The following KPNA3 variants were observed in gnomAD, a reference collection of about 807,000 sequenced individuals.
The protein encoded by KPNA3 is karyopherin subunit alpha 3, also known as importin subunit alpha-4.
Under a neutral mutation model 73.8 loss-of-function variants are expected in KPNA3, and 13 were observed. That is an observed-to-expected ratio of 0.18 (90% confidence interval 0.11 to 0.28). The LOEUF (loss-of-function observed/expected upper bound fraction) is 0.28. Ranked by LOEUF, KPNA3 falls within the 10% of genes least tolerant of loss-of-function variation. KPNA3 has a pLI of 1.00. For missense variants in KPNA3, 360 were observed against 618.1 expected (o/e 0.58, Z 4.43); for synonymous variants, 186 against 206.9 (o/e 0.90, Z 0.87).
intron 10 of KPNA3, 75 bp downstream of exon 10, chr13:49,719,700 T>G (rs1010415117): frequency 4.2e-6 from 4 of 948,974 alleles, no homozygotes; most frequent in Non-Finnish European, 5.1e-6. Flanking sequence ...ATAAAATGTA[T>G]GCTGACACTT....
At chr13:49,704,467 A>G (rs1411140013) in intron 15 of KPNA3, among the ~76,000 whole-genome samples, 2 of 148,694 alleles carry the variant, frequency 1.3e-5, no homozygotes, top group Non-Finnish European at 3.0e-5. Flanking sequence ...ATAAATAAAT[A>G]AATAAATAAA....
At position 49,759,866 on chromosome 13, in the gene KPNA3, AAAG is replaced by A. The variant is rs530037055; in HGVS notation, c.70-12876_70-12874del. Among the ~76,000 whole-genome samples the A allele has an allele frequency of 9.2e-4, 140 of 152,302 alleles. 1 individual carries two copies. The highest frequency in any genetic ancestry group is 1.7e-3 in the Non-Finnish European group (116 of 68,024). On this transcript the variant is annotated intron_variant, in intron 1 of 16. Coordinates refer to ENST00000261667, the MANE Select transcript of KPNA3 (RefSeq NM_002267.4). ...GGGTTGGGGATCCCTGGTCTAGCTT[AAAG>A]AAGGAGTGATAGATTATCACCATTT...
At chr13:49,736,013 A>G (rs1159762114) in intron 2 of KPNA3, among the ~76,000 whole-genome samples, 1 of 152,292 alleles carries the variant, frequency 6.6e-6, no homozygotes, top group East Asian at 1.9e-4. Context: ...ATTCTTTTAA[A>G]TCTTATGAAA....
intron 1 of KPNA3, among the ~76,000 whole-genome samples, chr13:49,787,224 G>C (rs936663502): frequency 6.6e-6 from 1 of 152,116 alleles, no homozygotes; most frequent in African/African-American, 2.4e-5. Context: ...CCAAAGATAC[G>C]GATTATCATT....
intron 1 of KPNA3, among the ~76,000 whole-genome samples, chr13:49,762,460 T>G (rs1344479834): frequency 6.6e-6 from 1 of 152,070 alleles, no homozygotes. Flanking sequence ...GAAATCAGAT[T>G]GTTGCTGTGT....
chr13:49,715,303 A>G (rs907302596), intron 10 of KPNA3, among the ~76,000 whole-genome samples: 1 of 152,180 alleles, frequency 6.6e-6, no homozygotes, highest in African/African-American at 2.4e-5. Flanking sequence ...AGAACTCTTA[A>G]AACCTAAGAA....
intron 1 of KPNA3, among the ~76,000 whole-genome samples, chr13:49,784,024 G>A (rs886296516): frequency 6.6e-6 from 1 of 152,102 alleles, no homozygotes; most frequent in Non-Finnish European, 1.5e-5. Flanking sequence ...AGATTGAGGA[G>A]GGAGGACTGC....
chr13:49,749,358 T>C lies in KPNA3; in HGVS notation c.70-2365A>G, dbSNP rs563360230. ...GTTTGATACTCTGCATAAGGAAAGT[T>C]GGAAATAGATTTTTACTGCTAAAGT... On this transcript the variant is annotated intron_variant, in intron 1 of 16. Coordinates refer to ENST00000261667, the MANE Select transcript of KPNA3 (RefSeq NM_002267.4). Among the ~76,000 whole-genome samples, 8 of 152,318 alleles carry C rather than the reference T, an allele frequency of 5.3e-5. No homozygotes were observed. In the South Asian group the frequency reaches 1.7e-3, roughly 32 times the overall value.
chr13:49,759,192 G>A (rs1333320615), intron 1 of KPNA3, among the ~76,000 whole-genome samples: 1 of 152,124 alleles, frequency 6.6e-6, no homozygotes, highest in Non-Finnish European at 1.5e-5. Flanking sequence ...ATCACTGAAG[G>A]ATGATAATGA....
chr13:49,706,043 A>G (rs1211614907), intron 14 of KPNA3, 55 bp downstream of exon 14: 2 of 1,453,340 alleles, frequency 1.4e-6, no homozygotes, highest in Non-Finnish European at 1.9e-6. Context: ...AACATAAGAG[A>G]GCAGCATGCT....
At chr13:49,712,433 G>A (rs1954268161) in intron 10 of KPNA3, among the ~76,000 whole-genome samples, 1 of 151,048 alleles carries the variant, frequency 6.6e-6, no homozygotes, top group East Asian at 1.9e-4. Flanking sequence ...CATGATAGAA[G>A]GGGGAAAAAA....
chr13:49,744,276 AGC>A (rs1170688317), intron 2 of KPNA3, among the ~76,000 whole-genome samples: 3 of 152,354 alleles, frequency 2.0e-5, no homozygotes, highest in Non-Finnish European at 4.4e-5. Context: ...TACTTTATTA[AGC>A]TAAGGCTTAG....
At chr13:49,728,865 G>C (rs1954435833) in intron 6 of KPNA3, among the ~76,000 whole-genome samples, 1 of 152,128 alleles carries the variant, frequency 6.6e-6, no homozygotes. Context: ...TTTTGCAAGA[G>C]AATCAATAGG....
chr13:49,714,790 TTAA>T (rs1465675823), intron 10 of KPNA3, among the ~76,000 whole-genome samples: 2 of 152,056 alleles, frequency 1.3e-5, no homozygotes, highest in African/African-American at 4.8e-5. Flanking sequence ...AAATTTAATA[TTAA>T]TATTTGTAAT....
intron 6 of KPNA3, among the ~76,000 whole-genome samples, chr13:49,727,222 T>C (rs1313674483): frequency 1.3e-5 from 2 of 151,904 alleles, no homozygotes; most frequent in Admixed American, 1.3e-4. Context: ...CCAAGGCAGA[T>C]GGATCACCTG....
chr13:49,788,741 A>ATTTTTTT (rs1222157637), intron 1 of KPNA3, among the ~76,000 whole-genome samples: 3 of 123,842 alleles, frequency 2.4e-5, no homozygotes, highest in African/African-American at 7.1e-5. Context: ...TTTTTTTTAA[A>ATTTTTTT]AAAAAAAAGC....
intron 1 of KPNA3, among the ~76,000 whole-genome samples, chr13:49,773,139 T>C (rs1954868826): frequency 6.6e-6 from 1 of 152,154 alleles, no homozygotes; most frequent in Non-Finnish European, 1.5e-5. Flanking sequence ...TGTCATCACA[T>C]TTAAACGAAA....
In KPNA3 at chr13:49,722,119, C is replaced by A; in HGVS notation, c.562G>T (p.Gly188Cys). 6.5e-7 allele frequency: 1 copy of A among 1,536,758 alleles called. No homozygotes were observed. Among genetic ancestry groups the A allele is most frequent in the South Asian group, 1.3e-5 (1 of 77,082 alleles). ...ATGACATAATCTCTACATTGAGGAC[C>A]ATCACCTACAGAAATGAAAATTATA... ...VWALGNIIGD[G>C]PQCRDYVISL... Residue 188 changes from glycine to cysteine, a missense_variant, in exon 9 of 17, where the codon GGT (glycine) becomes TGT (cysteine). Physicochemically the swap from Gly to Cys is radical, Grantham distance 159. Transcript: ENST00000261667.
chr13:49,769,607 ATACTT>A (rs1954837077), intron 1 of KPNA3, among the ~76,000 whole-genome samples: 1 of 152,226 alleles, frequency 6.6e-6, no homozygotes. Context: ...GCATGTATAA[ATACTT>A]TACTCCTTTT....
Sources: gnomAD v4.1 joint callset for allele counts (sites outside exome capture counted in the v4.1 genomes callset) on GRCh38, gnomAD v4.1.1 for gene constraint, MANE v1.5 for transcripts, NCBI Gene and HGNC (gene_info 2026-07-23, HGNC 2026-07-21) for gene names.